The following ZBTB7C variants were observed in gnomAD, a reference collection of about 807,000 sequenced individuals.
The protein encoded by ZBTB7C is zinc finger and BTB domain-containing protein 7C.
Under a neutral mutation model 25.7 loss-of-function variants are expected in ZBTB7C, and 8 were observed. That is an observed-to-expected ratio of 0.31 (90% CI 0.18 to 0.56). ZBTB7C has a LOEUF of 0.56. ZBTB7C is among the 20% of genes least tolerant of loss of function. The probability of loss-of-function intolerance (pLI) is 0.91; values close to 1 mark genes in which losing one functional copy is unlikely to be tolerated. For synonymous variants in ZBTB7C, 394 were observed against 369.0 expected (o/e 1.07, Z -0.78); for missense variants, 824 against 855.2 (o/e 0.96, Z 0.46).
chr18:48,228,429 GAGA>G (rs1370043450), intron 2 of ZBTB7C, among the ~76,000 whole-genome samples: 1 of 152,168 alleles, frequency 6.6e-6, no homozygotes, highest in Admixed American at 6.5e-5. Context: ...CTTGCTATGA[GAGA>G]AGGTTATGGC....
chr18:48,239,080 T>C (rs938538470), intron 2 of ZBTB7C, among the ~76,000 whole-genome samples: 1 of 152,106 alleles, frequency 6.6e-6, no homozygotes, highest in African/African-American at 2.4e-5. Flanking sequence ...TATGACATAG[T>C]AGCAGAGACA....
chr18:48,062,365 C>T (rs772448621), intron 3 of ZBTB7C, among the ~76,000 whole-genome samples: 7 of 151,992 alleles, frequency 4.6e-5, no homozygotes, highest in Non-Finnish European at 8.8e-5. Context: ...ATGAGTCACG[C>T]TTGATTTTCA....
intron 4 of ZBTB7C, among the ~76,000 whole-genome samples, chr18:48,030,685 C>T (rs944710286): frequency 2.0e-5 from 3 of 152,214 alleles, no homozygotes; most frequent in African/African-American, 4.8e-5. Flanking sequence ...CAGCTGCAGA[C>T]CCACCACCAA....
At chr18:48,184,188 A>G (rs1207691714) in intron 3 of ZBTB7C, among the ~76,000 whole-genome samples, 20 of 152,182 alleles carry the variant, frequency 1.3e-4, no homozygotes. Flanking sequence ...ACAGCCCACG[A>G]AAGCCAGCAA....
At chr18:48,206,093 G>T (rs937597622) in intron 2 of ZBTB7C, among the ~76,000 whole-genome samples, 3 of 152,198 alleles carry the variant, frequency 2.0e-5, no homozygotes, top group Non-Finnish European at 2.9e-5. Flanking sequence ...AAACTGAGAA[G>T]TGATTCCAAA....
chr18:48,190,848 A>G (rs2042176834), intron 2 of ZBTB7C, among the ~76,000 whole-genome samples: 1 of 152,132 alleles, frequency 6.6e-6, no homozygotes, highest in Admixed American at 6.5e-5. Flanking sequence ...AGGCCTTGAA[A>G]GTTGAGGCAA....
At chr18:48,139,169 A>C (rs1156939719) in intron 3 of ZBTB7C, among the ~76,000 whole-genome samples, 1 of 152,110 alleles carries the variant, frequency 6.6e-6, no homozygotes, top group Non-Finnish European at 1.5e-5. Flanking sequence ...AGGGCATGTC[A>C]GGTGCGGGAG....
chr18:48,123,234 C>T lies in ZBTB7C; in HGVS notation c.-17+62700G>A, dbSNP rs1203008005. ...GAGAAAGCAATATAGGATATACTTC[C>T]TCCCTCTAGGAAGTTTACAAACGAA... On this transcript the variant is annotated intron_variant, in intron 3 of 4. Transcript: ENST00000590800. Among the ~76,000 whole-genome samples the T allele has an allele frequency of 2.6e-5, 4 of 152,214 alleles. No individual in the cohort carries two copies. The East Asian group carries it at 7.7e-4, about 29-fold the overall frequency.
At chr18:48,396,518 CT>C (rs1445357478) in intron 1 of ZBTB7C, among the ~76,000 whole-genome samples, 1 of 152,106 alleles carries the variant, frequency 6.6e-6, no homozygotes. Context: ...CATAGGAGGG[CT>C]TTTTTTGTTT....
chr18:48,048,003 T>A (rs2036539643), intron 3 of ZBTB7C, among the ~76,000 whole-genome samples: 1 of 152,148 alleles, frequency 6.6e-6, no homozygotes, highest in African/African-American at 2.4e-5. Flanking sequence ...TTGTTCCCCT[T>A]CACCATGCTG....
intron 4 of ZBTB7C, among the ~76,000 whole-genome samples, chr18:48,030,745 AC>A (rs996796855): frequency 6.6e-6 from 1 of 152,336 alleles, no homozygotes; most frequent in East Asian, 1.9e-4. Context: ...CCAGAGCTGA[AC>A]CTGGTGCCAG....
chr18:48,266,379 C>A lies in ZBTB7C; in HGVS notation c.-79+71795G>T, dbSNP rs71355338. Among the ~76,000 whole-genome samples, 913 of 152,168 alleles carry A rather than the reference C, an allele frequency of 6.0e-3. 6 individuals carry two copies. The highest frequency in any genetic ancestry group is 0.01 in the Non-Finnish European group (685 of 68,010). On this transcript the variant is annotated intron_variant, in intron 2 of 4. Coordinates refer to ENST00000590800, the MANE Select transcript of ZBTB7C (RefSeq NM_001318841.2). Reference sequence around the variant, plus strand: ...ACCCCAGTCTCTTCAGTCTCTTCATCCATAGAACAAGCAGGTGGCAGAAGC... The same window carrying A: ...ACCCCAGTCTCTTCAGTCTCTTCATACATAGAACAAGCAGGTGGCAGAAGC...
chr18:48,388,886 A>C (rs2145244345), intron 1 of ZBTB7C, among the ~76,000 whole-genome samples: 1 of 152,378 alleles, frequency 6.6e-6, no homozygotes, highest in East Asian at 1.9e-4. Flanking sequence ...TAGAACAAGT[A>C]GGGACAAAAA....
At position 48,029,400 on chromosome 18, in the gene ZBTB7C, G is replaced by A; in HGVS notation, c.1720C>T (p.Leu574=). 6.4e-7 allele frequency: 1 copy of A among 1,569,772 alleles called. No homozygotes were observed. The highest frequency in any genetic ancestry group is 8.6e-7 in the Non-Finnish European group (1 of 1,161,850). The change falls in exon 5 of 5, where the codon CTG becomes TTG. Residue 574 remains leucine (L), a synonymous_variant. Transcript: ENST00000590800. ...ACGTTCTCGGCCAGCGCGAAGGCCAGGAGGCCCCCCGCGTTCCTCTCAGCC... is the reference window on the plus strand; with the variant it reads ...ACGTTCTCGGCCAGCGCGAAGGCCAAGAGGCCCCCCGCGTTCCTCTCAGCC... ...LEAERNAGGL[L]AFALAENVAA...
intron 3 of ZBTB7C, among the ~76,000 whole-genome samples, chr18:48,081,190 T>G (rs1489738614): frequency 6.6e-6 from 1 of 152,184 alleles, no homozygotes; most frequent in East Asian, 1.9e-4. Flanking sequence ...GGAGGCCATC[T>G]CTCAGTCTCC....
chr18:48,071,946 G>C (rs1193621420), intron 3 of ZBTB7C, among the ~76,000 whole-genome samples: 1 of 152,204 alleles, frequency 6.6e-6, no homozygotes, highest in Non-Finnish European at 1.5e-5. Context: ...GGATGGAGGT[G>C]TGGCGAGTTA....
chr18:48,255,523 T>G (rs1198423157), intron 2 of ZBTB7C, among the ~76,000 whole-genome samples: 1 of 152,186 alleles, frequency 6.6e-6, no homozygotes, highest in African/African-American at 2.4e-5. Flanking sequence ...TTATCTGACC[T>G]TCCAAGAAAT....
chr18:48,175,843 G>A (rs2041657163), intron 3 of ZBTB7C, among the ~76,000 whole-genome samples: 2 of 152,226 alleles, frequency 1.3e-5, no homozygotes, highest in African/African-American at 4.8e-5. Context: ...ATCATTCTAT[G>A]CAGATAATAA....
At chr18:48,046,017 A>C (rs1182790450) in intron 3 of ZBTB7C, among the ~76,000 whole-genome samples, 1 of 152,144 alleles carries the variant, frequency 6.6e-6, no homozygotes, top group East Asian at 1.9e-4. Flanking sequence ...CCCAGTCAGG[A>C]CTCCCGACGA....
Sources: allele counts gnomAD v4.1 joint callset (sites outside exome capture counted in the v4.1 genomes callset), GRCh38; gene constraint gnomAD v4.1.1; transcripts MANE v1.5; gene names NCBI Gene and HGNC (gene_info 2026-07-23, HGNC 2026-07-21).